The following MACF1 variants were observed in gnomAD, a reference collection of about 807,000 sequenced individuals.
MACF1 encodes the protein microtubule-actin cross-linking factor 1.
Under a neutral mutation model 854.8 loss-of-function variants are expected in MACF1, and 193 were observed. That is an observed-to-expected ratio of 0.23 (90% confidence interval 0.20 to 0.25). The LOEUF is 0.25. Ranked by LOEUF, MACF1 falls within the 10% of genes least tolerant of loss-of-function variation. The pLI is 1.00. For synonymous variants in MACF1, 3,185 were observed against 3,226.7 expected (o/e 0.99, Z 0.44); for missense variants, 7,722 against 8,929.1 (o/e 0.86, Z 5.45).
chr1:39,252,914 C>G (rs1454418313), intron 4 of MACF1, among the ~76,000 whole-genome samples: 5 of 152,274 alleles, frequency 3.3e-5, no homozygotes, highest in African/African-American at 1.2e-4. Context: ...CCTTATCTCT[C>G]CATGTGTTAG....
At chr1:39,247,168 G>C (rs866205570) in intron 2 of MACF1, among the ~76,000 whole-genome samples, 1 of 148,506 alleles carries the variant, frequency 6.7e-6, no homozygotes, top group South Asian at 2.1e-4. Flanking sequence ...CGCCTCCCGA[G>C]TTCACGCCAT....
In MACF1 at chr1:39,084,262, G is replaced by C; in HGVS notation, c.44G>C (p.Arg15Pro). The change falls in exon 2 of 94, where the codon CGG becomes CCG. Residue 15 changes from arginine to proline, a missense_variant. Physicochemically the swap from Arg to Pro is moderately radical, Grantham distance 103. Transcript: ENST00000361689. This position sits in a 1 kb window ranked among gnomAD's most constrained non-coding sequence, Gnocchi z 5.2. ...GAGACGCTCAGTGAGCGGTCATGTC[G>C]GAGTGAGCGGTCTTGTCGGAGTGAG... 1 of 1,612,588 alleles carries C rather than the reference G, an allele frequency of 6.2e-7. No homozygotes were observed. Among genetic ancestry groups the C allele is most frequent in the East Asian group, 2.2e-5 (1 of 44,862 alleles).
intron 16 of MACF1, 67 bp downstream of exon 16, chr1:39,292,105 A>G: frequency 6.4e-7 from 1 of 1,557,156 alleles, no homozygotes; most frequent in Middle Eastern, 1.7e-4. Flanking sequence ...GACAGTACAC[A>G]CAATAAAGCT....
Position 39,388,361 on chromosome 1 carries a change from A to G in MACF1, c.15519A>G (p.Lys5173=). 6.2e-7 allele frequency: 1 copy of G among 1,614,140 alleles called. No homozygotes were observed. Among genetic ancestry groups the G allele is most frequent in the Non-Finnish European group, 8.5e-7 (1 of 1,180,014 alleles). ...TCCTTAACAAAATTCACGTCCTCAA[A>G]TTAGACATAGAGGCCTCTGAAGCAG... ...RLFLNKIHVL[K]LDIEASEAEC... The change falls in exon 58 of 101, where the codon AAA becomes AAG. Residue 5173 remains lysine (K), a synonymous_variant. Transcript: ENST00000564288.
chr1:39,424,111 G>A lies in MACF1; in HGVS notation c.16233G>A (p.Glu5411=). The A allele has an allele frequency of 1.2e-6, 2 of 1,613,090 alleles. No homozygotes were observed. The highest frequency in any genetic ancestry group is 1.7e-6 in the Non-Finnish European group (2 of 1,179,810). Reference sequence around the variant, plus strand: ...GAGGCAGAATAGCCCAGTCAGCAGAGCTGGCTGATAGAGAGAAAATCACTG... The same window carrying A: ...GAGGCAGAATAGCCCAGTCAGCAGAACTGGCTGATAGAGAGAAAATCACTG... ...AEGGRIAQSA[E]LADREKITGQ... Residue 5411 remains glutamate (E), a synonymous_variant, in exon 61 of 101, where the codon GAG becomes GAA. Transcript: ENST00000564288.
chr1:39,300,970 C>T (rs1356371617), intron 22 of MACF1, among the ~76,000 whole-genome samples: 1 of 152,060 alleles, frequency 6.6e-6, no homozygotes, highest in Non-Finnish European at 1.5e-5. Flanking sequence ...TGCAGTGAGC[C>T]AAGATCGCAC....
At chr1:39,249,782 G>A (rs1484657779) in intron 2 of MACF1, 5 of 367,552 alleles carry the variant, frequency 1.4e-5, no homozygotes, top group Non-Finnish European at 1.5e-5. Context: ...ATGTTGGTTA[G>A]AGTGTGTAAT....
At chr1:39,201,797 C>T (rs1300852434), upstream of MACF1, among the ~76,000 whole-genome samples, 1 of 152,048 alleles carries the variant, frequency 6.6e-6, no homozygotes, top group Non-Finnish European at 1.5e-5. Flanking sequence ...CTCTGGCCTC[C>T]TCTTCTGATA....
intron 58 of MACF1, 60 bp from the exon 59 acceptor site, chr1:39,422,314 C>G (rs113635558): frequency 7.5e-7 from 1 of 1,334,112 alleles, no homozygotes; most frequent in East Asian, 2.3e-5. Context: ...CCAGTCTCTG[C>G]GTGGTATAGA....
chr1:39,331,110 C>T lies in MACF1; in HGVS notation c.4615-93C>T. ...CTGTATACTATAGTTCTTTGAATGA[C>T]TCCTTTCAATAGTTGTGCTTTGCCA... On this transcript the variant is annotated intron_variant, in intron 36 of 100. Transcript: ENST00000564288. 8.4e-6 allele frequency: 12 copies of T among 1,428,852 alleles called. No individual in the cohort carries two copies. In the South Asian group the frequency reaches 1.7e-4, roughly 20 times the overall value. The allele number at this position is 1,428,852 out of a possible 1,614,324, so 88.5% of individuals were successfully genotyped here.
chr1:39,425,532 T>G (rs1421844505), intron 61 of MACF1, among the ~76,000 whole-genome samples: 2 of 152,222 alleles, frequency 1.3e-5, no homozygotes, highest in Non-Finnish European at 2.9e-5. Flanking sequence ...AACACACCAT[T>G]CAAAGCCCTC....
At chr1:39,350,442 C>T (rs953373106) in intron 42 of MACF1, among the ~76,000 whole-genome samples, 4 of 152,126 alleles carry the variant, frequency 2.6e-5, no homozygotes, top group Non-Finnish European at 4.4e-5. Context: ...AGGAGTGATA[C>T]CCAAGAGAGT....
At chr1:39,284,295 G>C (rs376770822) in intron 10 of MACF1, 38 bp from the exon 11 acceptor site, 51 of 1,566,830 alleles carry the variant, frequency 3.3e-5, no homozygotes, top group Non-Finnish European at 4.2e-5. Context: ...GGGTCCTATA[G>C]TTTGTGTCCA....
chr1:39,296,927 C>T (rs562034727), intron 20 of MACF1, among the ~76,000 whole-genome samples: 5 of 151,536 alleles, frequency 3.3e-5, no homozygotes, highest in African/African-American at 1.2e-4. Context: ...CTGTTTTTGC[C>T]CTAGATTTTT....
intron 2 of MACF1, among the ~76,000 whole-genome samples, chr1:39,153,295 C>G (rs970650797): frequency 6.6e-6 from 1 of 152,114 alleles, no homozygotes; most frequent in Non-Finnish European, 1.5e-5. Context: ...GAGAGGGGAA[C>G]CTTAGTCTCA....
At chr1:39,264,868 G>A (rs1360064267) in intron 6 of MACF1, among the ~76,000 whole-genome samples, 1 of 151,616 alleles carries the variant, frequency 6.6e-6, no homozygotes, top group Non-Finnish European at 1.5e-5. Context: ...TAGAGACGGG[G>A]TTTCACCTTG....
chr1:39,476,772 G>A (rs988179303), intron 97 of MACF1, among the ~76,000 whole-genome samples: 3 of 151,618 alleles, frequency 2.0e-5, no homozygotes, highest in Non-Finnish European at 4.4e-5. Flanking sequence ...AGACATGTAG[G>A]GCATGGAGTA....
chr1:39,378,647 A>G, intron 53 of MACF1, 124 bp downstream of exon 53: 2 of 927,838 alleles, frequency 2.2e-6, no homozygotes, highest in South Asian at 1.7e-5. Context: ...GAGGATAAAA[A>G]TCTGGGGAGA....
Position 39,359,173 on chromosome 1 carries a change from A to G in MACF1, c.12153A>G (p.Val4051=). The change falls in exon 47 of 101, where the codon GTA becomes GTG. Residue 4051 remains valine, a synonymous_variant. Coordinates refer to ENST00000564288, the MANE Select transcript of MACF1 (RefSeq NM_001394062.1). ...AGGAGGAATTGGCTGAGCACCAAGT[A>G]CCTGTGGAAAAACTCCAAAAAGTAG... ...QLQEELAEHQ[V]PVEKLQKVAR... The G allele has an allele frequency of 1.9e-6, 3 of 1,614,146 alleles. No homozygotes were observed. The highest frequency in any genetic ancestry group is 1.3e-5 in the African/African-American group (1 of 75,036).
Sources: gnomAD v4.1 joint callset for allele counts (sites outside exome capture counted in the v4.1 genomes callset) on GRCh38, gnomAD v4.1.1 for gene constraint, Gnocchi (gnomAD v3.1) non-coding constraint, MANE v1.5 for transcripts, NCBI Gene and HGNC (gene_info 2026-07-23, HGNC 2026-07-21) for gene names.